The following SLC30A7 variants were observed in gnomAD, a reference collection of about 807,000 sequenced individuals.
The protein encoded by SLC30A7 is zinc transporter 7.
SLC30A7 carries 35 observed loss-of-function variants against 46.0 expected under a neutral mutation model. That is an observed-to-expected ratio of 0.76 (90% confidence interval 0.58 to 1.01). The LOEUF is 1.01. Among genes scored for constraint, SLC30A7 ranks in the 50% least tolerant of loss-of-function variants. The pLI is 0.00. For synonymous variants in SLC30A7, 147 were observed against 157.8 expected (o/e 0.93, Z 0.51); for missense variants, 464 against 451.1 (o/e 1.03, Z -0.26).
At chr1:100,951,336 A>C (rs1654942121) in intron 8 of SLC30A7, among the ~76,000 whole-genome samples, 1 of 152,228 alleles carries the variant, frequency 6.6e-6, no homozygotes, top group South Asian at 2.1e-4. Context: ...AATCAGGTTA[A>C]AGGAATCAGA....
At chr1:100,956,599 G>A (rs1315625919) in intron 8 of SLC30A7, among the ~76,000 whole-genome samples, 2 of 152,162 alleles carry the variant, frequency 1.3e-5, no homozygotes, top group Non-Finnish European at 2.9e-5. Context: ...CTGTTACTGT[G>A]TTTAGCTCCT....
At chr1:100,992,086 AGAC>A in the SLC30A7 span, among the ~76,000 whole-genome samples, 1 of 151,632 alleles carries the variant, frequency 6.6e-6, no homozygotes, top group East Asian at 1.9e-4. Flanking sequence ...TGACAAAGTG[AGAC>A]CCTCTCTCAA....
rs116283042 is a variant in SLC30A7, at chr1:100,897,722, C to T, written c.182+1051C>T. On this transcript the variant is annotated intron_variant, in intron 2 of 10. Coordinates refer to ENST00000357650, the MANE Select transcript of SLC30A7 (RefSeq NM_133496.5). The stretch of plus-strand genomic sequence containing the variant: ...ATGCTTGGGCTTCTTTCAATTCAAC[C>T]GTCAATTCAGTTCTATAAAAAATAC... Among the ~76,000 whole-genome samples the T allele has an allele frequency of 7.0e-3, 1,064 of 152,074 alleles. 20 individuals carry two copies. Among genetic ancestry groups the T allele is most frequent in the African/African-American group, 0.025 (1,019 of 41,472 alleles).
chr1:100,985,177 T>C (rs918534271), downstream of SLC30A7, among the ~76,000 whole-genome samples: 2 of 152,246 alleles, frequency 1.3e-5, no homozygotes, highest in African/African-American at 4.8e-5. Context: ...CTCGGGAACC[T>C]GTTGGACAGT....
intron 8 of SLC30A7, among the ~76,000 whole-genome samples, chr1:100,953,647 A>G (rs1056187496): frequency 2.0e-5 from 3 of 152,200 alleles, no homozygotes; most frequent in Non-Finnish European, 4.4e-5. Context: ...GCATTTCAAT[A>G]CAAATGTTAC....
chr1:100,929,302 G>T (rs1653523462), intron 8 of SLC30A7, among the ~76,000 whole-genome samples: 1 of 151,996 alleles, frequency 6.6e-6, no homozygotes. Context: ...CAGTTAAAAA[G>T]TAGCTCCAAA....
intron 7 of SLC30A7, among the ~76,000 whole-genome samples, chr1:100,918,597 G>C (rs1327240455): frequency 6.6e-6 from 1 of 152,118 alleles, no homozygotes; most frequent in Admixed American, 6.5e-5. Context: ...AGATACTGTA[G>C]GTTGAAAATG....
intron 3 of SLC30A7, among the ~76,000 whole-genome samples, chr1:100,908,481 G>T (rs1444240209): frequency 6.6e-6 from 1 of 152,122 alleles, no homozygotes; most frequent in Non-Finnish European, 1.5e-5. Flanking sequence ...GGAGTTCTGT[G>T]GCAGAACTTG....
At chr1:100,989,748 C>T in the SLC30A7 span, 1 of 152,224 alleles carries the variant, frequency 6.6e-6, no homozygotes, top group South Asian at 2.1e-4. Context: ...TAACAACCAC[C>T]TTGTATAAAT....
At chr1:100,959,507 G>C (rs181312245) in intron 8 of SLC30A7, among the ~76,000 whole-genome samples, 8 of 152,314 alleles carry the variant, frequency 5.3e-5, no homozygotes, top group African/African-American at 1.9e-4. Flanking sequence ...ATCTACTTCT[G>C]AGCTCACTCA....
chr1:100,961,772 C>A, intron 8 of SLC30A7, 56 bp from the exon 9 acceptor site: 1 of 1,035,040 alleles, frequency 9.7e-7, no homozygotes, highest in Non-Finnish European at 1.4e-6. Context: ...TACTTTCTTG[C>A]TGGATGGGAT....
chr1:100,986,162 C>T (rs1287284569), downstream of SLC30A7, among the ~76,000 whole-genome samples: 1 of 152,212 alleles, frequency 6.6e-6, no homozygotes, highest in Non-Finnish European at 1.5e-5. Context: ...GTAATCCCAG[C>T]ACTTTGGGAG....
chr1:100,949,655 G>A (rs757622215), intron 8 of SLC30A7, among the ~76,000 whole-genome samples: 43 of 152,310 alleles, frequency 2.8e-4, no homozygotes, highest in Admixed American at 6.5e-4. Flanking sequence ...TTACTGAGCT[G>A]CGGTGGGCCC....
intron 6 of SLC30A7, among the ~76,000 whole-genome samples, 193 bp downstream of exon 6, chr1:100,913,999 T>C (rs1652304909): frequency 6.6e-6 from 1 of 152,240 alleles, no homozygotes; most frequent in African/African-American, 2.4e-5. Flanking sequence ...GCAGTGGATG[T>C]TCGCTTTTTT....
At chr1:100,897,852 C>A (rs1651063613) in intron 2 of SLC30A7, among the ~76,000 whole-genome samples, 1 of 152,050 alleles carries the variant, frequency 6.6e-6, no homozygotes, top group Admixed American at 6.5e-5. Flanking sequence ...ATTTTGAATC[C>A]TTTGGGAATC....
downstream of SLC30A7, among the ~76,000 whole-genome samples, chr1:100,983,845 T>C (rs534330606): frequency 6.6e-6 from 1 of 152,360 alleles, no homozygotes; most frequent in South Asian, 2.1e-4. Context: ...GAGTATGTCA[T>C]TGTGACTTGT....
Position 100,961,893 on chromosome 1 carries a change from A to G in SLC30A7, c.908A>G (p.Asn303Ser), listed in dbSNP as rs1423481448. 6.2e-7 allele frequency: 1 copy of G among 1,606,264 alleles called. No homozygotes were observed. Residue 303 changes from asparagine (N) to serine (S), a missense_variant, in exon 9 of 11, where the codon AAT becomes AGT. Coordinates refer to ENST00000357650, the MANE Select transcript of SLC30A7 (RefSeq NM_133496.5). ...CAGAGAACTCCTCCCCTATTAGAAAATAGTCTGCCTCAGTGCTATCAGAGG... is the reference window on the plus strand; with the variant it reads ...CAGAGAACTCCTCCCCTATTAGAAAGTAGTCTGCCTCAGTGCTATCAGAGG... ...LMQRTPPLLE[N>S]SLPQCYQRVQ...
At position 100,980,914 on chromosome 1, in the gene SLC30A7, C is replaced by T. The variant is rs1656892712; in HGVS notation, c.*6057C>T. 1 of 152,008 alleles carries T rather than the reference C, an allele frequency of 6.6e-6. No individual in the cohort carries two copies. Among genetic ancestry groups the T allele is most frequent in the Non-Finnish European group, 1.5e-5 (1 of 67,934 alleles). 9.4% of individuals were successfully genotyped at this position (152,008 alleles called of 1,614,324 possible). A position where few individuals can be genotyped will look rare whatever the true frequency, so the allele number is the denominator to read the frequency against. On this transcript the variant is annotated 3_prime_UTR_variant, in exon 11 of 11. Coordinates refer to ENST00000357650, the MANE Select transcript of SLC30A7 (RefSeq NM_133496.5). ...TCATTTATCCTAATGTATTGTCATC[C>T]AAAATGAAAGAGGTCTTTCTTGAAG...
chr1:100,973,304 G>A (rs1398287494), intron 10 of SLC30A7, among the ~76,000 whole-genome samples: 1 of 152,026 alleles, frequency 6.6e-6, no homozygotes, highest in Non-Finnish European at 1.5e-5. Flanking sequence ...TCCTCACTCT[G>A]ATTTTTTTCC....
Sources: allele counts gnomAD v4.1 joint callset (sites outside exome capture counted in the v4.1 genomes callset), GRCh38; gene constraint gnomAD v4.1.1; transcripts MANE v1.5; gene names NCBI Gene and HGNC (gene_info 2026-07-23, HGNC 2026-07-21).